Variants in RAB5IF observed in about 807,000 individuals in gnomAD.
RAB5IF encodes the protein RAB5 interacting factor.
RAB5IF carries 15 observed loss-of-function variants against 20.3 expected under a neutral mutation model. The observed-to-expected ratio is 0.74, with a 90% CI of 0.50 to 1.14. The LOEUF is 1.14. Ranked by LOEUF, RAB5IF falls within the 50% of genes most tolerant of loss-of-function variation. The probability of loss-of-function intolerance (pLI) is 0.00; values close to 1 mark genes in which losing one functional copy is unlikely to be tolerated. For missense variants in RAB5IF, 148 were observed against 159.5 expected (o/e 0.93, Z 0.39); for synonymous variants, 67 against 63.7 (o/e 1.05, Z -0.25).
intron 2 of RAB5IF, among the ~76,000 whole-genome samples, chr20:36,609,063 C>T (rs2039003916): frequency 6.6e-6 from 1 of 151,238 alleles, no homozygotes; most frequent in Non-Finnish European, 1.5e-5. Context: ...ATAGCCACAC[C>T]CTAGCTGGAG....
chr20:36,611,586 CTA>C (rs1234132957), intron 3 of RAB5IF, among the ~76,000 whole-genome samples: 1 of 151,022 alleles, frequency 6.6e-6, no homozygotes, highest in Non-Finnish European at 1.5e-5. Flanking sequence ...GCTGGGGCAT[CTA>C]TATGTTTTTT....
intron 2 of RAB5IF, among the ~76,000 whole-genome samples, chr20:36,609,156 T>TACATACATACATATACACACACCCAC: frequency 5.9e-5 from 1 of 17,052 alleles, no homozygotes. Flanking sequence ...AGAACTATAT[T>TACATACATACATATACACACACCCAC]ACACACACAC....
chr20:36,607,681 C>G, intron 1 of RAB5IF, 34 bp from the exon 2 acceptor site: 1 of 1,612,074 alleles, frequency 6.2e-7, no homozygotes, highest in Non-Finnish European at 8.5e-7. Flanking sequence ...GCACCCACTC[C>G]AGATAATTCT....
intron 2 of RAB5IF, among the ~76,000 whole-genome samples, chr20:36,609,191 ACACGCACACACGCACACACGCACACACG>A (rs1347334691): frequency 0.021 from 1,103 of 52,562 alleles, 221 homozygotes; most frequent in African/African-American, 0.048. Flanking sequence ...ACACACACAC[ACACGCACACACGCACACACGCACACACG>A]CACACACACA....
intron 1 of RAB5IF, 52 bp from the exon 2 acceptor site, chr20:36,607,663 G>T (rs369406436): frequency 8.2e-5 from 132 of 1,606,760 alleles, no homozygotes; most frequent in Non-Finnish European, 1.1e-4. Flanking sequence ...CCCTTTTGCT[G>T]TCTTGTGGCA....
In RAB5IF at chr20:36,605,990, G is replaced by A. The variant is rs765434596; in HGVS notation, c.39G>A (p.Pro13=). The A allele has an allele frequency of 2.0e-6, 3 of 1,522,550 alleles. No individual in the cohort carries two copies. The highest frequency in any genetic ancestry group is 2.8e-5 in the African/African-American group (2 of 70,926). The allele number at this position is 1,522,550 out of a possible 1,614,324, so 94.3% of individuals were successfully genotyped here. The change falls in exon 1 of 4, where the codon CCG becomes CCA. Residue 13 remains proline, a synonymous_variant. Transcript: ENST00000344795. ...GGRRKEEPPQ[P]QLANGALKVS... ...GGCGGAAGGAGGAGCCGCCTCAGCC[G>A]CAGCTGGCCAACGGGGCCCTCAAAG...
chr20:36,608,580 T>A (rs938427165), intron 2 of RAB5IF, among the ~76,000 whole-genome samples: 122 of 138,946 alleles, frequency 8.8e-4, no homozygotes, highest in Non-Finnish European at 1.5e-3. Flanking sequence ...TTTTTTTTTT[T>A]AAAGACAGAG....
chr20:36,610,215 C>T (rs1013877455), intron 3 of RAB5IF, among the ~76,000 whole-genome samples: 4 of 151,726 alleles, frequency 2.6e-5, no homozygotes, highest in South Asian at 2.1e-4. Flanking sequence ...ACCCGGGAGG[C>T]GGAGGTTGCA....
At chr20:36,609,208 C>T (rs1167213419) in intron 2 of RAB5IF, among the ~76,000 whole-genome samples, 16 of 64,660 alleles carry the variant, frequency 2.5e-4, no homozygotes, top group Non-Finnish European at 4.7e-4. Flanking sequence ...CACACGCACA[C>T]ACGCACACAC....
At position 36,609,209 on chromosome 20, in the gene RAB5IF, A is replaced by ACACACACACACACACACACACACACACC. The variant is rs2039031838; in HGVS notation, c.219-391_219-390insACACACACACACACACACACACACACCC. Among the ~76,000 whole-genome samples, 2 of 63,918 alleles carry ACACACACACACACACACACACACACACC rather than the reference A, an allele frequency of 3.1e-5. 1 individual carries two copies. The highest frequency in any genetic ancestry group is 5.9e-5 in the Non-Finnish European group (2 of 33,950). The allele number at this position is 63,918 out of a possible 152,430, so 41.9% of individuals were successfully genotyped here. On this transcript the variant is annotated intron_variant, in intron 2 of 3. Transcript: ENST00000344795. ...CACACACACACGCACACACGCACAC[A>ACACACACACACACACACACACACACACC]CGCACACACGCACACACACACACAC... is the stretch of plus-strand genomic sequence containing the variant.
At chr20:36,609,253 ACACT>A (rs2039044014) in intron 2 of RAB5IF, among the ~76,000 whole-genome samples, 5 of 134,440 alleles carry the variant, frequency 3.7e-5, no homozygotes, top group East Asian at 4.2e-4. Flanking sequence ...ACACACACAC[ACACT>A]ATATATAGAG....
chr20:36,609,245 A>ACACACACC (rs2039041610), intron 2 of RAB5IF, among the ~76,000 whole-genome samples: 1 of 133,126 alleles, frequency 7.5e-6, no homozygotes, highest in East Asian at 2.1e-4. Context: ...ACACACACAC[A>ACACACACC]CACACACACA....
At chr20:36,611,106 C>T (rs1214212633) in intron 3 of RAB5IF, among the ~76,000 whole-genome samples, 1 of 152,202 alleles carries the variant, frequency 6.6e-6, no homozygotes, top group Admixed American at 6.5e-5. Context: ...CCTCCCACCT[C>T]AGCCTCCCGA....
intron 1 of RAB5IF, among the ~76,000 whole-genome samples, chr20:36,606,277 C>T (rs1459436355): frequency 6.6e-6 from 1 of 152,178 alleles, no homozygotes; most frequent in Non-Finnish European, 1.5e-5. Context: ...GATGAAGCCC[C>T]CTAGTTATGC....
intron 2 of RAB5IF, chr20:36,608,084 T>A: frequency 1.4e-6 from 1 of 710,306 alleles, no homozygotes; most frequent in Non-Finnish European, 2.1e-6. Context: ...TGCAAGAGGC[T>A]ATGACTACTT....
Position 36,612,049 on chromosome 20 carries a change from T to C in RAB5IF, c.388T>C (p.Ter130ArgextTer23), listed in dbSNP as rs1301051963. 1.2e-6 allele frequency: 2 copies of C among 1,614,222 alleles called. No individual in the cohort carries two copies. The highest frequency in any genetic ancestry group is 1.7e-6 in the Non-Finnish European group (2 of 1,180,044). ...IIFYTAIHYD[*>R] ...CTTTTACACTGCCATCCATTATGAC[T>C]GATGGTGTACAGCTCCCAAGTGCTC... Residue 130 changes from the stop codon to arginine, a stop_lost, in exon 4 of 4, where the codon TGA becomes CGA. Coordinates refer to ENST00000344795, the MANE Select transcript of RAB5IF (RefSeq NM_018840.5).
At chr20:36,609,209 A>ACG (rs67387473) in intron 2 of RAB5IF, among the ~76,000 whole-genome samples, 5 of 63,916 alleles carry the variant, frequency 7.8e-5, no homozygotes, top group Non-Finnish European at 2.9e-5. Context: ...ACACGCACAC[A>ACG]CGCACACACG....
chr20:36,609,171 A>C (rs868610668), intron 2 of RAB5IF, among the ~76,000 whole-genome samples: 1 of 19,272 alleles, frequency 5.2e-5, no homozygotes. Context: ...ACACACACAC[A>C]CACACACACA....
At position 36,609,170 on chromosome 20, in the gene RAB5IF, C is replaced by G. The variant is rs75499024; in HGVS notation, c.219-431C>G. ...GAGAACTATATTACACACACACACA[C>G]ACACACACACACACACACACACACG... is the stretch of plus-strand genomic sequence containing the variant. On this transcript the variant is annotated intron_variant, in intron 2 of 3. Transcript: ENST00000344795. Among the ~76,000 whole-genome samples, 6 of 42,428 alleles carry G rather than the reference C, an allele frequency of 1.4e-4. 1 individual carries two copies. The highest frequency in any genetic ancestry group is 9.9e-4 in the East Asian group (1 of 1,010). 27.8% of individuals were successfully genotyped at this position (42,428 alleles called of 152,430 possible).
Sources: allele counts gnomAD v4.1 joint callset (sites outside exome capture counted in the v4.1 genomes callset), GRCh38; gene constraint gnomAD v4.1.1; transcripts MANE v1.5; gene names NCBI Gene and HGNC (gene_info 2026-07-23, HGNC 2026-07-21).